MYO18B: variants seen among roughly 807,000 people sequenced by gnomAD.
MYO18B encodes the protein myosin XVIIIB, also known as unconventional myosin-XVIIIb.
Under a neutral mutation model 273.0 loss-of-function variants are expected in MYO18B, and 204 were observed. The observed-to-expected ratio is 0.75, with a 90% CI of 0.67 to 0.84. The LOEUF is 0.84. MYO18B is among the 40% of genes least tolerant of loss of function. The pLI is 0.00. For missense variants in MYO18B, 3,212 were observed against 3,287.6 expected, an observed-to-expected ratio of 0.98 and a Z score of 0.56; for synonymous variants, 1,330 against 1,305.7, an observed-to-expected ratio of 1.02 and a Z score of -0.40.
At chr22:25,916,496 G>A (rs1226482186) in intron 33 of MYO18B, among the ~76,000 whole-genome samples, 1 of 152,032 alleles carries the variant, frequency 6.6e-6, no homozygotes, top group Non-Finnish European at 1.5e-5. Flanking sequence ...TGGAATTGCT[G>A]TTTTAGTGCC....
At chr22:26,031,165 G>C (rs1936657265), downstream of MYO18B, 1 of 380,548 alleles carries the variant, frequency 2.6e-6, no homozygotes, top group Non-Finnish European at 4.7e-6. Context: ...CCCACATTTA[G>C]GTAGCAAATG....
intron 1 of MYO18B, among the ~76,000 whole-genome samples, chr22:25,757,796 C>CAA (rs2086172672): frequency 6.6e-6 from 1 of 152,170 alleles, no homozygotes; most frequent in Non-Finnish European, 1.5e-5. Context: ...GGTATATTTC[C>CAA]TCCCACTTGA....
At chr22:25,845,523 C>CCAA (rs66532051) in intron 18 of MYO18B, among the ~76,000 whole-genome samples, 26 of 152,142 alleles carry the variant, frequency 1.7e-4, no homozygotes, top group African/African-American at 3.4e-4. Flanking sequence ...CTCAAAAAAA[C>CCAA]CAACAACAAC....
chr22:26,026,433 T>G lies in MYO18B; in HGVS notation c.6471-12T>G. ...ACAATTTCTACAGACTGCATTTTTCTTCTTGGCACAGGATAAACGAAGAGG... is the reference window on the plus strand; with the variant it reads ...ACAATTTCTACAGACTGCATTTTTCGTCTTGGCACAGGATAAACGAAGAGG... On this transcript the variant is annotated splice_polypyrimidine_tract_variant and intron_variant, in intron 42 of 43. Transcript: ENST00000335473. The G allele has an allele frequency of 6.3e-7, 1 of 1,586,346 alleles. No individual in the cohort carries two copies. Among genetic ancestry groups the G allele is most frequent in the South Asian group, 1.1e-5 (1 of 87,820 alleles).
intron 25 of MYO18B, among the ~76,000 whole-genome samples, chr22:25,884,395 C>T (rs2091435514): frequency 6.6e-6 from 1 of 152,158 alleles, no homozygotes; most frequent in Non-Finnish European, 1.5e-5. Context: ...CTGGTAGCTC[C>T]CTAATCCCCG....
chr22:25,964,875 T>C (rs2092960154), intron 39 of MYO18B: 1 of 152,032 alleles, frequency 6.6e-6, no homozygotes, highest in South Asian at 2.1e-4. Context: ...AAGGAGAAAG[T>C]CAAGAATGGA....
chr22:26,028,887 CA>C (rs554144546), intron 43 of MYO18B, among the ~76,000 whole-genome samples: 6,974 of 75,602 alleles, frequency 0.092, 154 homozygotes, highest in East Asian at 0.2. Context: ...GACTCCGTCT[CA>C]AAAAAAAAAA....
At chr22:25,907,044 GTA>G (rs2092058739) in intron 31 of MYO18B, among the ~76,000 whole-genome samples, 1 of 152,206 alleles carries the variant, frequency 6.6e-6, no homozygotes, top group Non-Finnish European at 1.5e-5. Flanking sequence ...ACATTAAAGA[GTA>G]TAGACAGATA....
chr22:26,055,273 C>A, the MYO18B span, among the ~76,000 whole-genome samples: 14 of 152,328 alleles, frequency 9.2e-5, no homozygotes, highest in Admixed American at 2.0e-4. Flanking sequence ...TGACAACCTT[C>A]CCTTGTTACT....
intron 7 of MYO18B, among the ~76,000 whole-genome samples, chr22:25,775,250 C>G (rs1259986541): frequency 6.6e-6 from 1 of 152,174 alleles, no homozygotes; most frequent in Admixed American, 6.5e-5. Context: ...CCTGCTGAGC[C>G]CTACATCTGG....
chr22:25,801,275 G>C (rs2088181841), intron 12 of MYO18B, among the ~76,000 whole-genome samples: 1 of 152,108 alleles, frequency 6.6e-6, no homozygotes, highest in African/African-American at 2.4e-5. Context: ...ACTGGACACA[G>C]GGTTTTTGAA....
intron 24 of MYO18B, chr22:25,877,088 G>T (rs1452934408): frequency 6.6e-6 from 1 of 152,238 alleles, no homozygotes; most frequent in Non-Finnish European, 1.5e-5. Flanking sequence ...TGAGCACCGT[G>T]TCCATACTTG....
intron 22 of MYO18B, among the ~76,000 whole-genome samples, chr22:25,869,322 C>T (rs887633496): frequency 2.6e-5 from 4 of 151,802 alleles, no homozygotes; most frequent in South Asian, 4.2e-4. Flanking sequence ...TGGTGGTGTG[C>T]GCCTGTAATC....
chr22:25,981,720 G>T (rs1329713082), intron 39 of MYO18B, among the ~76,000 whole-genome samples: 1 of 152,168 alleles, frequency 6.6e-6, no homozygotes, highest in Non-Finnish European at 1.5e-5. Context: ...ACTCCAGCCT[G>T]GGCTACAAAG....
chr22:25,873,055 T>C lies in MYO18B; in HGVS notation c.3952-1231T>C, dbSNP rs189690224. Among the ~76,000 whole-genome samples, 552 of 152,280 alleles carry C rather than the reference T, an allele frequency of 3.6e-3. 4 individuals are homozygous for C. The highest frequency in any genetic ancestry group is 0.012 in the African/African-American group (517 of 41,562). Reference sequence around the variant, plus strand: ...TGACCAAAGCAAACCAGAGCTACCCTTGCGCATTGGCAGGAGCAGGCCTGG... The same window carrying C: ...TGACCAAAGCAAACCAGAGCTACCCCTGCGCATTGGCAGGAGCAGGCCTGG... On this transcript the variant is annotated intron_variant, in intron 22 of 43. Coordinates refer to ENST00000335473, the MANE Select transcript of MYO18B (RefSeq NM_032608.7).
intron 8 of MYO18B, among the ~76,000 whole-genome samples, chr22:25,778,563 T>C (rs1005540861): frequency 6.6e-6 from 1 of 152,100 alleles, no homozygotes; most frequent in South Asian, 2.1e-4. Flanking sequence ...TACTGCAGCC[T>C]TGACCTCCAA....
intron 11 of MYO18B, among the ~76,000 whole-genome samples, chr22:25,791,196 G>A (rs551915425): frequency 1.2e-4 from 18 of 152,328 alleles, no homozygotes; most frequent in Non-Finnish European, 1.8e-4. Flanking sequence ...TATGTAGGCT[G>A]AGGCCAAGCT....
chr22:25,768,391 A>G lies in MYO18B; in HGVS notation c.475A>G (p.Lys159Glu), dbSNP rs1451602504. The change falls in exon 4 of 44, where the codon AAG becomes GAG. Residue 159 changes from lysine (K) to glutamate (E), a missense_variant. Physicochemically the swap from Lys to Glu is moderately conservative, Grantham distance 56. Coordinates refer to ENST00000335473, the MANE Select transcript of MYO18B (RefSeq NM_032608.7). ...GGGTGATGTGTTGTTGATGGTGGCC[A>G]AGCTGGACCCGGACTCAGCCAAGCC... is the stretch of plus-strand genomic sequence containing the variant. ...RRGDVLLMVA[K>E]LDPDSAKPEK... The G allele has an allele frequency of 1.2e-6, 2 of 1,613,794 alleles. No individual in the cohort carries two copies. The highest frequency in any genetic ancestry group is 2.7e-5 in the African/African-American group (2 of 74,922).
intron 21 of MYO18B, among the ~76,000 whole-genome samples, chr22:25,860,850 G>T (rs1029876687): frequency 1.3e-5 from 2 of 151,840 alleles, no homozygotes; most frequent in Non-Finnish European, 2.9e-5. Flanking sequence ...GGGGCAATTT[G>T]GTTGATAGTA....
Sources: allele counts gnomAD v4.1 joint callset (sites outside exome capture counted in the v4.1 genomes callset), GRCh38; gene constraint gnomAD v4.1.1; transcripts MANE v1.5; gene names NCBI Gene and HGNC (gene_info 2026-07-23, HGNC 2026-07-21).